PRIM2: variants seen among roughly 807,000 people sequenced by gnomAD.
PRIM2 encodes the protein DNA primase subunit 2.
A neutral mutation model predicts 67.3 loss-of-function variants in PRIM2; 39 were observed. That is an observed-to-expected ratio of 0.58 (90% CI 0.45 to 0.76). The LOEUF (loss-of-function observed/expected upper bound fraction) is 0.76. Ranked by LOEUF, PRIM2 falls within the 30% of genes least tolerant of loss-of-function variation. PRIM2 has a pLI of 0.00. For synonymous variants in PRIM2, 143 were observed against 198.7 expected (o/e 0.72, Z 2.36); for missense variants, 398 against 598.7 (o/e 0.66, Z 3.50).
chr6:57,547,015 T>A (rs1320479523), intron 10 of PRIM2, among the ~76,000 whole-genome samples: 17 of 152,166 alleles, frequency 1.1e-4, no homozygotes, highest in Admixed American at 2.6e-4. Flanking sequence ...TTTTTTGGAT[T>A]TGTGAATGAT....
chr6:57,302,092 T>C, the PRIM2 span, among the ~76,000 whole-genome samples: 3 of 152,200 alleles, frequency 2.0e-5, no homozygotes, highest in Admixed American at 6.5e-5. Flanking sequence ...TTAAACTGTT[T>C]CACTTCCAAA....
At chr6:57,329,574 G>C (rs965647953) in intron 5 of PRIM2, among the ~76,000 whole-genome samples, 2 of 152,024 alleles carry the variant, frequency 1.3e-5, no homozygotes, top group African/African-American at 4.8e-5. Flanking sequence ...CCCCATGGTA[G>C]TCTCATGATA....
At chr6:57,459,315 T>G (rs1219122908) in intron 7 of PRIM2, among the ~76,000 whole-genome samples, 1 of 152,146 alleles carries the variant, frequency 6.6e-6, no homozygotes, top group African/African-American at 2.4e-5. Context: ...TTGCTGTCCC[T>G]GTTGGTAGAG....
rs1355382164 is a variant in PRIM2 at position 57,431,163 on chromosome 6, G to A, written c.693+48995G>A. On this transcript the variant is annotated intron_variant, in intron 7 of 13. Transcript: ENST00000615550. ...GACATTTCTTCTCATCTGTTTTATTGCCTCTTTTTTTTAATGTGTCCAAAT... is the reference window on the plus strand; with the variant it reads ...GACATTTCTTCTCATCTGTTTTATTACCTCTTTTTTTTAATGTGTCCAAAT... 6.0e-5 allele frequency among the ~76,000 whole-genome samples: 9 copies of A among 150,914 alleles called. No homozygotes were observed. The East Asian group carries it at 1.4e-3, about 23-fold the overall frequency.
At chr6:57,257,433 G>A in the PRIM2 span, among the ~76,000 whole-genome samples, 55 of 152,152 alleles carry the variant, frequency 3.6e-4, no homozygotes, top group South Asian at 2.5e-3. Flanking sequence ...CACCAAGCCC[G>A]GCTAATTTTG....
intron 5 of PRIM2, among the ~76,000 whole-genome samples, chr6:57,377,366 T>G (rs1769803060): frequency 6.6e-6 from 1 of 152,234 alleles, no homozygotes; most frequent in Non-Finnish European, 1.5e-5. Context: ...TTTTTATTCA[T>G]GGAGTCTCAT....
rs1270753991 is a variant in PRIM2, at chr6:57,595,407, C to T, written c.1021-5686C>T. ...TGGATTTTTCTCACACTGACCAATT[C>T]TCTGATGCTAGCCGGATAGCCTATA... is the stretch of plus-strand genomic sequence containing the variant. On this transcript the variant is annotated intron_variant, in intron 10 of 13. Coordinates refer to ENST00000615550, the MANE Select transcript of PRIM2 (RefSeq NM_000947.5). 3.3e-5 allele frequency among the ~76,000 whole-genome samples: 5 copies of T among 152,204 alleles called. No individual in the cohort carries two copies. In the East Asian group the frequency reaches 7.8e-4, roughly 24 times the overall value.
At chr6:57,230,310 C>G in the PRIM2 span, among the ~76,000 whole-genome samples, 2 of 152,212 alleles carry the variant, frequency 1.3e-5, no homozygotes, top group Non-Finnish European at 2.9e-5. Context: ...CCAGCCTTCT[C>G]TTTCATCTAG....
At chr6:57,508,836 G>C (rs1236261552) in intron 8 of PRIM2, among the ~76,000 whole-genome samples, 1 of 151,974 alleles carries the variant, frequency 6.6e-6, no homozygotes, top group Non-Finnish European at 1.5e-5. Flanking sequence ...GATCTTATTT[G>C]CTTTTACATA....
At chr6:57,344,543 G>A (rs1768605961) in intron 5 of PRIM2, among the ~76,000 whole-genome samples, 1 of 151,954 alleles carries the variant, frequency 6.6e-6, no homozygotes, top group African/African-American at 2.4e-5. Context: ...CATTAACACA[G>A]GGCTTCCTTT....
At chr6:57,454,945 A>C (rs1328709682) in intron 7 of PRIM2, among the ~76,000 whole-genome samples, 1 of 152,026 alleles carries the variant, frequency 6.6e-6, no homozygotes, top group African/African-American at 2.4e-5. Context: ...TTCCCTCTAC[A>C]CAGTGCTTTG....
intron 7 of PRIM2, among the ~76,000 whole-genome samples, chr6:57,501,035 CTTTCCTCTTGCT>C (rs1364167857): frequency 5.3e-5 from 8 of 152,318 alleles, no homozygotes; most frequent in African/African-American, 1.9e-4. Context: ...CCCTAGTCTC[CTTTCCTCTTGCT>C]TTTCCTAGGT....
At chr6:57,628,693 T>C (rs1298699565) in intron 12 of PRIM2, among the ~76,000 whole-genome samples, 5 of 152,168 alleles carry the variant, frequency 3.3e-5, no homozygotes, top group African/African-American at 1.2e-4. Context: ...TTTGTGACCA[T>C]GTATAACCAA....
intron 8 of PRIM2, among the ~76,000 whole-genome samples, chr6:57,515,596 A>G (rs1774469715): frequency 6.6e-6 from 1 of 152,196 alleles, no homozygotes; most frequent in South Asian, 2.1e-4. Context: ...GAGCCTTTAT[A>G]CCCATTTTTT....
intron 9 of PRIM2, among the ~76,000 whole-genome samples, chr6:57,533,492 T>G (rs1386807384): frequency 6.6e-6 from 1 of 152,244 alleles, no homozygotes; most frequent in Non-Finnish European, 1.5e-5. Context: ...TTGCAGTTAA[T>G]ATGTCTAGAA....
At chr6:57,610,672 TA>T (rs1776652236) in intron 12 of PRIM2, among the ~76,000 whole-genome samples, 1 of 152,004 alleles carries the variant, frequency 6.6e-6, no homozygotes, top group Non-Finnish European at 1.5e-5. Flanking sequence ...ATAAAAATTA[TA>T]AATATTTATG....
At position 57,555,767 on chromosome 6, in the gene PRIM2, A is replaced by G. The variant is rs1775502929; in HGVS notation, c.1020+18142A>G. On this transcript the variant is annotated intron_variant, in intron 10 of 13. Transcript: ENST00000615550. Reference sequence around the variant, plus strand: ...CCACAAACACTAGATAAGCTTTATGACATTGTCTTCTTCCTTTAGAAAAAT... The same window carrying G: ...CCACAAACACTAGATAAGCTTTATGGCATTGTCTTCTTCCTTTAGAAAAAT... Among the ~76,000 whole-genome samples, 3 of 152,304 alleles carry G rather than the reference A, an allele frequency of 2.0e-5. No homozygotes were observed. In the South Asian group the frequency reaches 6.2e-4, roughly 32 times the overall value.
intron 9 of PRIM2, among the ~76,000 whole-genome samples, chr6:57,535,417 A>G (rs1774983952): frequency 6.6e-6 from 1 of 152,190 alleles, no homozygotes; most frequent in Admixed American, 6.5e-5. Context: ...TGGAGCCCTC[A>G]TTTTATCATT....
intron 10 of PRIM2, among the ~76,000 whole-genome samples, chr6:57,573,173 G>GATT (rs1775894406): frequency 6.6e-6 from 1 of 152,158 alleles, no homozygotes. Flanking sequence ...TTGTCTTGGG[G>GATT]ATTATTATTA....
Sources: gnomAD v4.1 joint callset for allele counts (sites outside exome capture counted in the v4.1 genomes callset) on GRCh38, gnomAD v4.1.1 for gene constraint, MANE v1.5 for transcripts, NCBI Gene and HGNC (gene_info 2026-07-23, HGNC 2026-07-21) for gene names.